Variants in RBFOX2 observed in about 807,000 individuals in gnomAD.
RBFOX2 encodes the protein RNA binding fox-1 homolog 2.
A neutral mutation model predicts 49.1 loss-of-function variants in RBFOX2; 10 were observed. The ratio of observed to expected loss-of-function variants is 0.20; its 90% CI spans 0.13 to 0.35. The LOEUF is 0.35. Among genes scored for constraint, RBFOX2 ranks in the 10% least tolerant of loss-of-function variants. The probability of loss-of-function intolerance (pLI) is 1.00; values close to 1 mark genes in which losing one functional copy is unlikely to be tolerated. For synonymous variants in RBFOX2, 183 were observed against 187.4 expected (o/e 0.98, Z 0.19); for missense variants, 323 against 486.9 (o/e 0.66, Z 3.17).
rs991629240 is a variant in RBFOX2, at chr22:35,774,234, G to A, written c.453+3791C>T. Reference sequence around the variant, plus strand: ...TATGCTAAGATAACAGGTGTAAATTGAGGCTAGCCTGGATAAGCCAGGAAA... The same window carrying A: ...TATGCTAAGATAACAGGTGTAAATTAAGGCTAGCCTGGATAAGCCAGGAAA... On this transcript the variant is annotated intron_variant, in intron 4 of 11. Transcript: ENST00000405409. 7.9e-5 allele frequency among the ~76,000 whole-genome samples: 12 copies of A among 152,006 alleles called. No homozygotes were observed. In the East Asian group the frequency reaches 2.3e-3, roughly 29 times the overall value.
chr22:35,892,298 T>G (rs557843830), intron 1 of RBFOX2, among the ~76,000 whole-genome samples: 1 of 152,280 alleles, frequency 6.6e-6, no homozygotes, highest in African/African-American at 2.4e-5. Flanking sequence ...CTAGTGAGGT[T>G]TCTGAAACCC....
chr22:36,027,930 G>A (rs938931198), intron 1 of RBFOX2, among the ~76,000 whole-genome samples: 1 of 152,096 alleles, frequency 6.6e-6, no homozygotes, highest in South Asian at 2.1e-4. Flanking sequence ...TCCACCCCAA[G>A]GCACTAAGGA....
In RBFOX2 at chr22:35,977,759, T is replaced by TAC. The variant is rs1352299166; in HGVS notation, c.187-38863_187-38862insGT. ...ATATATATATATATATATATATATA[T>TAC]ATACATGCACACACACACATATACA... On this transcript the variant is annotated intron_variant, in intron 1 of 13. Coordinates refer to the RBFOX2 transcript ENST00000438146. Among the ~76,000 whole-genome samples, 40 of 102,784 alleles carry TAC rather than the reference T, an allele frequency of 3.9e-4. 1 individual carries two copies. Among genetic ancestry groups the TAC allele is most frequent in the African/African-American group, 9.9e-4 (30 of 30,228 alleles). 67.4% of individuals were successfully genotyped at this position (102,784 alleles called of 152,430 possible).
At chr22:35,962,108 C>T (rs962052318), upstream of RBFOX2, among the ~76,000 whole-genome samples, 2 of 152,184 alleles carry the variant, frequency 1.3e-5, no homozygotes, top group Admixed American at 6.5e-5. Flanking sequence ...CACAGTGTTC[C>T]GCTGTTTCCT....
chr22:35,817,509 T>A (rs973863116), intron 1 of RBFOX2, among the ~76,000 whole-genome samples: 2 of 135,746 alleles, frequency 1.5e-5, no homozygotes, highest in East Asian at 2.0e-4. Context: ...AATAAATAAA[T>A]AAAAAGAGAG....
intron 1 of RBFOX2, chr22:35,824,448 G>A (rs148585970): frequency 6.6e-6 from 1 of 152,276 alleles, no homozygotes; most frequent in Non-Finnish European, 1.5e-5. Flanking sequence ...GGATCAATAA[G>A]GCAGGCCATG....
exon 2 of RBFOX2, chr22:35,809,890 G>T: frequency 6.2e-7 from 1 of 1,614,056 alleles, no homozygotes; most frequent in Non-Finnish European, 8.5e-7. Flanking sequence ...GCATAGTCTT[G>T]AGTGTGTGGC....
At chr22:35,961,367 T>C (rs2056186307) in intron 1 of RBFOX2, among the ~76,000 whole-genome samples, 1 of 152,202 alleles carries the variant, frequency 6.6e-6, no homozygotes, top group African/African-American at 2.4e-5. Flanking sequence ...AATGTCTTCT[T>C]TCAACAAAGA....
chr22:35,968,556 G>A (rs548315746), intron 1 of RBFOX2, among the ~76,000 whole-genome samples: 9 of 152,128 alleles, frequency 5.9e-5, no homozygotes, highest in Non-Finnish European at 1.3e-4. Flanking sequence ...AGAAGCTTAT[G>A]GAATTAAAAC....
upstream of RBFOX2, among the ~76,000 whole-genome samples, chr22:35,940,102 G>T (rs562309853): frequency 1.3e-5 from 2 of 152,204 alleles, no homozygotes; most frequent in East Asian, 3.9e-4. Flanking sequence ...TCCACTAATT[G>T]GTAGGTTGAC....
intron 1 of RBFOX2, among the ~76,000 whole-genome samples, chr22:35,901,590 T>C (rs2048581917): frequency 2.6e-5 from 4 of 152,192 alleles, no homozygotes. Context: ...ACTGATGTCA[T>C]TCAGAGAATA....
intron 1 of RBFOX2, among the ~76,000 whole-genome samples, chr22:35,919,262 G>A (rs1053332541): frequency 2.6e-5 from 4 of 152,230 alleles, no homozygotes; most frequent in African/African-American, 9.6e-5. Flanking sequence ...GATTGGCCAG[G>A]AGCAGTGGCT....
At chr22:35,823,647 T>G (rs5995169) in intron 1 of RBFOX2, among the ~76,000 whole-genome samples, 34,535 of 152,128 alleles carry the variant, frequency 0.23, 6,060 homozygotes, top group African/African-American at 0.49. Context: ...TTCCTGTATA[T>G]ATTTGAGAAA....
intron 1 of RBFOX2, among the ~76,000 whole-genome samples, chr22:35,956,941 C>T (rs192413136): frequency 5.9e-5 from 9 of 152,184 alleles, no homozygotes; most frequent in Admixed American, 4.6e-4. Flanking sequence ...TGTCTTTCTC[C>T]CCTTCTTTAA....
At chr22:35,767,782 G>A (rs1165065373) in intron 5 of RBFOX2, among the ~76,000 whole-genome samples, 1 of 152,062 alleles carries the variant, frequency 6.6e-6, no homozygotes, top group Non-Finnish European at 1.5e-5. Flanking sequence ...TGCTTATCAT[G>A]TGCACAAAGA....
chr22:35,964,452 T>A (rs1422495590), upstream of RBFOX2, among the ~76,000 whole-genome samples: 1 of 152,202 alleles, frequency 6.6e-6, no homozygotes, highest in East Asian at 1.9e-4. Context: ...TAAATTAAAA[T>A]TGGCTTGAGA....
At chr22:35,768,182 G>A in intron 5 of RBFOX2, 75 bp downstream of exon 6, 2 of 1,494,836 alleles carry the variant, frequency 1.3e-6, no homozygotes, top group Non-Finnish European at 9.3e-7. Flanking sequence ...GGTTCCAAAT[G>A]TGAACTAAGT....
At chr22:35,877,125 C>A (rs2045224031) in intron 1 of RBFOX2, among the ~76,000 whole-genome samples, 1 of 152,026 alleles carries the variant, frequency 6.6e-6, no homozygotes, top group South Asian at 2.1e-4. Flanking sequence ...TTCCCTGATA[C>A]AAATGTAATT....
chr22:35,877,028 T>G (rs1459927567), intron 1 of RBFOX2, among the ~76,000 whole-genome samples: 1 of 151,900 alleles, frequency 6.6e-6, no homozygotes, highest in Non-Finnish European at 1.5e-5. Flanking sequence ...GAGGAAGGAG[T>G]AGGAGTACTT....
Sources: allele counts gnomAD v4.1 joint callset (sites outside exome capture counted in the v4.1 genomes callset), GRCh38; gene constraint gnomAD v4.1.1; transcripts MANE v1.5; gene names NCBI Gene and HGNC (gene_info 2026-07-23, HGNC 2026-07-21).